ITPA: variants seen among roughly 807,000 people sequenced by gnomAD.
ITPA encodes the protein inosine triphosphate pyrophosphatase.
A neutral mutation model predicts 29.6 loss-of-function variants in ITPA; 29 were observed. The ratio of observed to expected loss-of-function variants is 0.98; its 90% CI spans 0.73 to 1.34. The LOEUF (loss-of-function observed/expected upper bound fraction) is 1.34. Among genes scored for constraint, ITPA ranks in the 40% most tolerant of loss-of-function variants. The pLI, the probability that ITPA is intolerant of heterozygous loss-of-function variation, is 0.00. For synonymous variants in ITPA, 103 were observed against 99.3 expected (o/e 1.04, Z -0.22); for missense variants, 241 against 251.5 (o/e 0.96, Z 0.28).
chr20:3,216,150 T>A (rs1325718358), intron 5 of ITPA, among the ~76,000 whole-genome samples: 1 of 137,830 alleles, frequency 7.3e-6, no homozygotes, highest in Non-Finnish European at 1.5e-5. Context: ...GCCAGCACGC[T>A]GGCTAAGTTT....
At chr20:3,224,322 A>C (rs891426173), downstream of ITPA, among the ~76,000 whole-genome samples, 4 of 152,066 alleles carry the variant, frequency 2.6e-5, no homozygotes, top group Non-Finnish European at 5.9e-5. Context: ...ACACGCCCTT[A>C]CTCTGTGCCC....
upstream of ITPA, among the ~76,000 whole-genome samples, chr20:3,205,013 G>T (rs1205266587): frequency 6.6e-6 from 1 of 152,100 alleles, no homozygotes; most frequent in East Asian, 1.9e-4. Context: ...ACCACGCCCG[G>T]CTAATTTTTG....
intron 6 of ITPA, 45 bp downstream of exon 6, chr20:3,218,677 G>A: frequency 6.7e-7 from 1 of 1,497,386 alleles, no homozygotes; most frequent in Non-Finnish European, 9.3e-7. Context: ...GCCGCCAGGG[G>A]GTGCCGCGAC....
At chr20:3,218,407 A>T in intron 5 of ITPA, 110 bp from the exon 6 acceptor site, 1 of 795,280 alleles carries the variant, frequency 1.3e-6, no homozygotes, top group Non-Finnish European at 2.2e-6. Context: ...ATTGAGACCT[A>T]ATTTCCCCTT....
chr20:3,211,227 G>A (rs1238511415), intron 1 of ITPA, among the ~76,000 whole-genome samples: 6 of 145,594 alleles, frequency 4.1e-5, no homozygotes, highest in East Asian at 2.1e-4. Flanking sequence ...GTGCAGTGGT[G>A]CGATCTCTGC....
chr20:3,213,852 C>A, intron 3 of ITPA, 133 bp from the exon 4 acceptor site: 1 of 898,654 alleles, frequency 1.1e-6, no homozygotes, highest in Non-Finnish European at 1.9e-6. Context: ...CCGAGGGCAG[C>A]TCCCATGGTG....
chr20:3,213,048 G>A (rs2067208973), intron 1 of ITPA, 121 bp from the exon 2 acceptor site: 2 of 1,068,858 alleles, frequency 1.9e-6, no homozygotes, highest in Middle Eastern at 2.3e-4. Flanking sequence ...CCACAGGCCT[G>A]AGTTGGTAAG....
chr20:3,207,561 G>T (rs1171796250), upstream of ITPA, among the ~76,000 whole-genome samples: 1 of 152,056 alleles, frequency 6.6e-6, no homozygotes, highest in Non-Finnish European at 1.5e-5. Context: ...GGGTGTGGTG[G>T]TGCATGTCTG....
intron 1 of ITPA, among the ~76,000 whole-genome samples, chr20:3,211,925 G>A (rs2067185024): frequency 6.6e-6 from 1 of 152,194 alleles, no homozygotes; most frequent in Admixed American, 6.5e-5. Context: ...GTTCATACCT[G>A]TAATCCCAGC....
downstream of ITPA, among the ~76,000 whole-genome samples, chr20:3,225,144 A>G (rs988763040): frequency 6.6e-6 from 1 of 152,176 alleles, no homozygotes; most frequent in Non-Finnish European, 1.5e-5. Context: ...TGGAGGCTGC[A>G]GTGAGCCGTG....
downstream of ITPA, among the ~76,000 whole-genome samples, chr20:3,225,335 G>A (rs2067543180): frequency 6.6e-6 from 1 of 152,154 alleles, no homozygotes; most frequent in Non-Finnish European, 1.5e-5. Flanking sequence ...GCTTGGTTAT[G>A]GAAAGACCAA....
chr20:3,212,785 C>T (rs2067202493), intron 1 of ITPA, among the ~76,000 whole-genome samples: 1 of 152,120 alleles, frequency 6.6e-6, no homozygotes, highest in Non-Finnish European at 1.5e-5. Flanking sequence ...TACTACATTT[C>T]AATTAAGGGT....
At chr20:3,222,619 G>A (rs1265174681) in intron 7 of ITPA, among the ~76,000 whole-genome samples, 1 of 152,158 alleles carries the variant, frequency 6.6e-6, no homozygotes, top group Admixed American at 6.5e-5. Context: ...AGTACCAGTT[G>A]TTCTCTGTAG....
chr20:3,211,005 G>A (rs2067157943), intron 1 of ITPA, among the ~76,000 whole-genome samples: 1 of 150,840 alleles, frequency 6.6e-6, no homozygotes, highest in African/African-American at 2.4e-5. Flanking sequence ...GAGCTGAGAT[G>A]ACGCCACTGT....
chr20:3,218,311 T>A (rs2067363577), intron 5 of ITPA, among the ~76,000 whole-genome samples: 1 of 152,220 alleles, frequency 6.6e-6, no homozygotes, highest in Non-Finnish European at 1.5e-5. Context: ...ATCGTCAGCC[T>A]GTGCCAGAGG....
At chr20:3,220,096 C>A (rs1337524356) in intron 6 of ITPA, among the ~76,000 whole-genome samples, 1 of 151,678 alleles carries the variant, frequency 6.6e-6, no homozygotes, top group East Asian at 1.9e-4. Flanking sequence ...CTTATTCCTT[C>A]CGTGAGATGT....
upstream of ITPA, among the ~76,000 whole-genome samples, chr20:3,206,605 C>T (rs1056206045): frequency 1.3e-5 from 2 of 151,266 alleles, no homozygotes; most frequent in East Asian, 1.9e-4. Flanking sequence ...CTGAGGCAGG[C>T]GGATCACGAG....
At chr20:3,226,939 C>T (rs900554418), downstream of ITPA, among the ~76,000 whole-genome samples, 2 of 152,180 alleles carry the variant, frequency 1.3e-5, no homozygotes, top group Admixed American at 6.5e-5. The surrounding 1 kb of genome is among the most constrained non-coding windows in gnomAD (Gnocchi z 4.4). Flanking sequence ...GTCCTGCCGT[C>T]GGCAGTCCTC....
intron 5 of ITPA, among the ~76,000 whole-genome samples, chr20:3,217,905 G>GTTTTTTTTTTT (rs372604621): frequency 6.8e-6 from 1 of 146,226 alleles, no homozygotes. Flanking sequence ...AGTTTTTGTG[G>GTTTTTTTTTTT]GTTTTTTTTT....
Sources: gnomAD v4.1 joint callset for allele counts (sites outside exome capture counted in the v4.1 genomes callset) on GRCh38, gnomAD v4.1.1 for gene constraint, Gnocchi (gnomAD v3.1) non-coding constraint, MANE v1.5 for transcripts, NCBI Gene and HGNC (gene_info 2026-07-23, HGNC 2026-07-21) for gene names.